PCDH15: variants seen among roughly 807,000 people sequenced by gnomAD.
The protein encoded by PCDH15 is protocadherin-15.
A neutral mutation model predicts 178.5 loss-of-function variants in PCDH15; 129 were observed. The ratio of observed to expected loss-of-function variants is 0.72; its 90% confidence interval spans 0.63 to 0.84. PCDH15 has a LOEUF of 0.84. Among genes scored for constraint, PCDH15 ranks in the 40% least tolerant of loss-of-function variants. The pLI, the probability that PCDH15 is intolerant of heterozygous loss-of-function variation, is 0.00. For synonymous variants in PCDH15, 800 were observed against 732.0 expected (o/e 1.09, Z -1.50); for missense variants, 2,230 against 2,099.9 (o/e 1.06, Z -1.21).
chr10:54,736,922 T>C (rs573322373), intron 1 of PCDH15, among the ~76,000 whole-genome samples: 17 of 152,010 alleles, frequency 1.1e-4, no homozygotes, highest in Non-Finnish European at 2.5e-4. Context: ...TGAAGGACTG[T>C]CTTCAAAAAG....
At chr10:55,357,950 T>A (rs1043296621) in intron 2 of PCDH15, among the ~76,000 whole-genome samples, 2 of 152,084 alleles carry the variant, frequency 1.3e-5, no homozygotes, top group African/African-American at 4.8e-5. Flanking sequence ...AGCAAGCACC[T>A]GGTGCCAAGA....
rs191468064 is a variant in PCDH15 at position 55,315,965 on chromosome 10, T to C, written c.-156+3634A>G. ...TGGGAGGCAGAGGTTGCAGTGAGCC[T>C]AGACTGCACCATTGCATTCCAGCCT... On this transcript the variant is annotated intron_variant, in intron 1 of 5. Transcript: ENST00000458638. Among the ~76,000 whole-genome samples, 44 of 152,280 alleles carry C rather than the reference T, an allele frequency of 2.9e-4. 1 individual carries two copies. In the East Asian group the frequency reaches 8.1e-3, roughly 28 times the overall value.
At chr10:54,158,897 G>A (rs1443624917) in intron 13 of PCDH15, among the ~76,000 whole-genome samples, 2 of 152,050 alleles carry the variant, frequency 1.3e-5, no homozygotes, top group Non-Finnish European at 2.9e-5. Context: ...CACGAGGTCA[G>A]GAGTTTGAAA....
At chr10:55,036,570 T>C (rs1840738880) in intron 2 of PCDH15, among the ~76,000 whole-genome samples, 1 of 152,128 alleles carries the variant, frequency 6.6e-6, no homozygotes, top group African/African-American at 2.4e-5. Context: ...TGTGGAAGAT[T>C]TGTGGCAGTA....
At chr10:54,929,145 T>C (rs2131851121) in intron 2 of PCDH15, among the ~76,000 whole-genome samples, 1 of 152,346 alleles carries the variant, frequency 6.6e-6, no homozygotes, top group South Asian at 2.1e-4. Flanking sequence ...CGTTTGATTG[T>C]GGCATAAGCC....
chr10:55,083,470 A>G, intron 2 of PCDH15, among the ~76,000 whole-genome samples: 1 of 151,870 alleles, frequency 6.6e-6, no homozygotes, highest in Admixed American at 6.6e-5. Context: ...GAGTAAAAAA[A>G]TGAAAATGAA....
At chr10:54,337,405 A>C (rs10763101) in intron 6 of PCDH15, among the ~76,000 whole-genome samples, 45,334 of 151,892 alleles carry the variant, frequency 0.3, 7,384 homozygotes, top group Middle Eastern at 0.4. Context: ...TAGCTCCCAT[A>C]ATCCCCAAGT....
intron 2 of PCDH15, among the ~76,000 whole-genome samples, chr10:55,626,429 C>A (rs1200623929): frequency 6.6e-6 from 1 of 152,138 alleles, no homozygotes; most frequent in Non-Finnish European, 1.5e-5. Context: ...ATAAAATGTA[C>A]AGTAGTGTCT....
intron 16 of PCDH15, among the ~76,000 whole-genome samples, chr10:54,084,391 T>G: frequency 6.6e-6 from 1 of 151,716 alleles, no homozygotes; most frequent in East Asian, 2.0e-4. Flanking sequence ...GAGAATCCCT[T>G]GAACCCAGGA....
intron 2 of PCDH15, among the ~76,000 whole-genome samples, chr10:55,471,896 T>C (rs10825522): frequency 0.76 from 116,336 of 152,128 alleles, 45,850 homozygotes; most frequent in East Asian, 0.99. Flanking sequence ...CCATTTCAAA[T>C]GAGCCAAACT....
At chr10:53,875,540 C>G (rs16937804) in intron 26 of PCDH15, among the ~76,000 whole-genome samples, 3,210 of 151,852 alleles carry the variant, frequency 0.021, 124 homozygotes, top group African/African-American at 0.073. Context: ...ACAACAAAGT[C>G]ATTAATATCT....
chr10:54,088,315 G>C (rs115632308), intron 16 of PCDH15, among the ~76,000 whole-genome samples: 1 of 152,058 alleles, frequency 6.6e-6, no homozygotes, highest in Non-Finnish European at 1.5e-5. Flanking sequence ...AACAGTGATC[G>C]TGATCATATT....
chr10:54,326,751 A>G (rs1336636596), intron 7 of PCDH15, among the ~76,000 whole-genome samples: 1 of 152,150 alleles, frequency 6.6e-6, no homozygotes. Context: ...CCAAAAACAA[A>G]TGATCAAATA....
At chr10:54,445,170 T>C (rs2076070713) in intron 3 of PCDH15, among the ~76,000 whole-genome samples, 1 of 151,352 alleles carries the variant, frequency 6.6e-6, no homozygotes, top group Non-Finnish European at 1.5e-5. Context: ...ATTGTTTTGT[T>C]TGTAATTTTT....
intron 21 of PCDH15, among the ~76,000 whole-genome samples, chr10:53,965,965 G>A (rs2088970907): frequency 6.6e-6 from 1 of 151,418 alleles, no homozygotes; most frequent in Admixed American, 6.6e-5. Flanking sequence ...GCCTAAAATA[G>A]TTTGCTATCC....
intron 11 of PCDH15, among the ~76,000 whole-genome samples, chr10:54,191,113 C>T (rs778302799): frequency 3.9e-5 from 6 of 152,268 alleles, no homozygotes; most frequent in Admixed American, 6.5e-5. Flanking sequence ...TCAATAGTGA[C>T]TGAATTTATG....
intron 21 of PCDH15, among the ~76,000 whole-genome samples, chr10:53,990,139 A>G (rs1207327648): frequency 6.6e-6 from 1 of 152,132 alleles, no homozygotes; most frequent in East Asian, 1.9e-4. Context: ...ATTATAGAAA[A>G]GAAGATCTAG....
chr10:54,934,568 G>A (rs1184525353), intron 2 of PCDH15, among the ~76,000 whole-genome samples: 1 of 151,734 alleles, frequency 6.6e-6, no homozygotes, highest in Non-Finnish European at 1.5e-5. Flanking sequence ...TCATTAAAAA[G>A]TCAGGAAACA....
intron 2 of PCDH15, among the ~76,000 whole-genome samples, chr10:55,578,053 T>C (rs1315656495): frequency 1.3e-5 from 2 of 152,156 alleles, no homozygotes; most frequent in Non-Finnish European, 2.9e-5. Context: ...TGTTTAACCT[T>C]AAGAACCAAA....
Sources: allele counts gnomAD v4.1 joint callset (sites outside exome capture counted in the v4.1 genomes callset), GRCh38; gene constraint gnomAD v4.1.1; transcripts MANE v1.5; gene names NCBI Gene and HGNC (gene_info 2026-07-23, HGNC 2026-07-21).